Variants in SNX6 observed in about 807,000 individuals in gnomAD.
The protein encoded by SNX6 is sorting nexin-6.
In SNX6, 34 loss-of-function variants were observed where a neutral mutation model predicts 63.0. The ratio of observed to expected loss-of-function variants is 0.54; its 90% confidence interval spans 0.41 to 0.72. The LOEUF is 0.72. Ranked by LOEUF, SNX6 falls within the 30% of genes least tolerant of loss-of-function variation. SNX6 has a pLI of 0.00. For missense variants in SNX6, 398 were observed against 471.4 expected (o/e 0.84, Z 1.44); for synonymous variants, 170 against 164.2 (o/e 1.04, Z -0.27).
intron 13 of SNX6, among the ~76,000 whole-genome samples, chr14:34,564,191 T>A (rs1187533531): frequency 6.6e-6 from 1 of 151,608 alleles, no homozygotes; most frequent in African/African-American, 2.4e-5. Flanking sequence ...CCACGCTGGC[T>A]AATTTTTTGT....
At chr14:34,587,925 C>T (rs1280473043) in intron 8 of SNX6, among the ~76,000 whole-genome samples, 1 of 151,506 alleles carries the variant, frequency 6.6e-6, no homozygotes, top group Non-Finnish European at 1.5e-5. Flanking sequence ...ATTCTCGTGC[C>T]TCAGCCTCTC....
chr14:34,596,217 C>CAA, intron 7 of SNX6, among the ~76,000 whole-genome samples: 1 of 127,350 alleles, frequency 7.9e-6, no homozygotes, highest in Non-Finnish European at 1.7e-5. Context: ...ATTCTGTCTC[C>CAA]AAAAAAAAAA....
In SNX6 at chr14:34,629,968, G is replaced by A; in HGVS notation, c.7-14C>T. The A allele has an allele frequency of 1.3e-6, 2 of 1,534,024 alleles. No homozygotes were observed. Among genetic ancestry groups the A allele is most frequent in the Non-Finnish European group, 8.8e-7 (1 of 1,142,520 alleles). Reference sequence around the variant, plus strand: ...GTCCAGGCCTTCCTGTGGGGTCGGCGGGCACGGCGCGCCGGGGAAAAGGAT... The same window carrying A: ...GTCCAGGCCTTCCTGTGGGGTCGGCAGGCACGGCGCGCCGGGGAAAAGGAT... On this transcript the variant is annotated splice_polypyrimidine_tract_variant and intron_variant, in intron 1 of 13. Transcript: ENST00000362031.
intron 13 of SNX6, among the ~76,000 whole-genome samples, chr14:34,565,710 G>A (rs1881150402): frequency 7.3e-6 from 1 of 136,756 alleles, no homozygotes; most frequent in Non-Finnish European, 1.6e-5. Flanking sequence ...TTTATTTTGA[G>A]ACGGAGTCTC....
At chr14:34,603,281 G>A (rs546907805) in intron 6 of SNX6, 67 bp downstream of exon 6, 31 of 1,458,544 alleles carry the variant, frequency 2.1e-5, no homozygotes, top group African/African-American at 1.7e-4. Context: ...GCGAGATTCC[G>A]TCTCAAAAAA....
chr14:34,575,925 T>G lies in SNX6; in HGVS notation c.835-83A>C, dbSNP rs558446512. 25 of 764,700 alleles carry G rather than the reference T, an allele frequency of 3.3e-5. No homozygotes were observed. The African/African-American group carries it at 4.1e-4, about 12-fold the overall frequency. 47.4% of individuals were successfully genotyped at this position (764,700 alleles called of 1,614,324 possible). On this transcript the variant is annotated intron_variant, in intron 10 of 13. Coordinates refer to ENST00000362031, the MANE Select transcript of SNX6 (RefSeq NM_152233.4). ...TTTCCTTCTTTTTGTTGTTGTTGTTTTTTTGTTTTTTTTTTTGAGACGGAG... is the reference window on the plus strand; with the variant it reads ...TTTCCTTCTTTTTGTTGTTGTTGTTGTTTTGTTTTTTTTTTTGAGACGGAG...
At chr14:34,592,974 T>G (rs1226823917) in intron 8 of SNX6, 71 bp downstream of exon 8, 1 of 1,138,096 alleles carries the variant, frequency 8.8e-7, no homozygotes, top group Non-Finnish European at 1.3e-6. Context: ...TTAAGACTTT[T>G]TCAAACTATA....
intron 9 of SNX6, among the ~76,000 whole-genome samples, chr14:34,585,794 G>A (rs1007056359): frequency 5.9e-5 from 9 of 151,978 alleles, no homozygotes; most frequent in Non-Finnish European, 1.2e-4. Flanking sequence ...TAGAGATAGG[G>A]TTTAGCAATG....
At chr14:34,629,071 T>G (rs28688993) in intron 2 of SNX6, among the ~76,000 whole-genome samples, 87,327 of 150,912 alleles carry the variant, frequency 0.58, 25,647 homozygotes, top group South Asian at 0.69. Flanking sequence ...GGGGGGTGAG[T>G]GGGTGGAGCG....
At chr14:34,595,202 T>G (rs1882551820) in intron 7 of SNX6, among the ~76,000 whole-genome samples, 1 of 151,660 alleles carries the variant, frequency 6.6e-6, no homozygotes, top group South Asian at 2.1e-4. Context: ...TGGCACAATC[T>G]TGGCTCACTG....
intron 11 of SNX6, among the ~76,000 whole-genome samples, chr14:34,573,453 T>C (rs1468503556): frequency 6.6e-6 from 1 of 151,938 alleles, no homozygotes; most frequent in African/African-American, 2.4e-5. Flanking sequence ...CAAGTGCCTG[T>C]AGTCCCAGCT....
intron 8 of SNX6, among the ~76,000 whole-genome samples, chr14:34,590,015 C>A (rs932544815): frequency 6.6e-6 from 1 of 152,016 alleles, no homozygotes; most frequent in African/African-American, 2.4e-5. Flanking sequence ...AGCTACTTGG[C>A]AGGCTGAAGT....
intron 6 of SNX6, among the ~76,000 whole-genome samples, chr14:34,601,512 G>A (rs1005420250): frequency 1.3e-5 from 2 of 151,550 alleles, no homozygotes; most frequent in African/African-American, 2.4e-5. Context: ...CTGAGCCACC[G>A]TGCCTGGCTC....
intron 6 of SNX6, among the ~76,000 whole-genome samples, chr14:34,599,745 G>A (rs937903615): frequency 7.0e-6 from 1 of 142,624 alleles, no homozygotes; most frequent in Non-Finnish European, 1.5e-5. Flanking sequence ...CTGTACTCCA[G>A]CCCGGGCAAC....
intron 5 of SNX6, chr14:34,604,230 A>G (rs1215017891): frequency 7.8e-7 from 1 of 1,288,672 alleles, no homozygotes; most frequent in East Asian, 5.6e-5. Context: ...GGATGGAGGT[A>G]GCAGTAGAAT....
At chr14:34,595,099 CAAAAT>C (rs1277110770) in intron 7 of SNX6, among the ~76,000 whole-genome samples, 1 of 151,548 alleles carries the variant, frequency 6.6e-6, no homozygotes, top group East Asian at 1.9e-4. Flanking sequence ...TCTCAAAATG[CAAAAT>C]AAAATAAAAA....
chr14:34,612,882 T>G (rs1883284258), intron 2 of SNX6, among the ~76,000 whole-genome samples: 2 of 151,620 alleles, frequency 1.3e-5, no homozygotes, highest in South Asian at 4.2e-4. Flanking sequence ...AAGCCCTGTC[T>G]CTACTAAAAA....
At chr14:34,604,344 C>T (rs1343104347) in intron 5 of SNX6, 1 of 1,130,714 alleles carries the variant, frequency 8.8e-7, no homozygotes, top group Non-Finnish European at 1.1e-6. Flanking sequence ...GTGCTCTGCT[C>T]ATTTCCAATT....
Position 34,629,915 on chromosome 14 carries a change from C to G in SNX6, c.46G>C (p.Asp16His). 1 of 1,556,342 alleles carries G rather than the reference C, an allele frequency of 6.4e-7. No homozygotes were observed. The highest frequency in any genetic ancestry group is 2.4e-5 in the East Asian group (1 of 41,738). Reference sequence around the variant, plus strand: ...AGGAAGGCAGAACTTACTCCGCGGTCCTCTTCTGAGAGGAAGTCCGGGCCG... The same window carrying G: ...AGGAAGGCAGAACTTACTCCGCGGTGCTCTTCTGAGAGGAAGTCCGGGCCG... The part of the protein sequence containing the change: ...DDGPDFLSEE[D>H]RGLKAINVDL... Residue 16 changes from aspartate to histidine, a missense_variant, in exon 2 of 14, where the codon GAC becomes CAC. By Grantham distance (81) the Asp-to-His change is moderately conservative. Transcript: ENST00000362031.
Sources: gnomAD v4.1 joint callset for allele counts (sites outside exome capture counted in the v4.1 genomes callset) on GRCh38, gnomAD v4.1.1 for gene constraint, MANE v1.5 for transcripts, NCBI Gene and HGNC (gene_info 2026-07-23, HGNC 2026-07-21) for gene names.